The following WDR70 variants were observed in gnomAD, a reference collection of about 807,000 sequenced individuals.
WDR70 encodes WD repeat-containing protein 70.
In WDR70, 53 loss-of-function variants were observed where a neutral mutation model predicts 88.6. That is an observed-to-expected ratio of 0.60 (90% CI 0.48 to 0.75). The LOEUF is 0.75. Among genes scored for constraint, WDR70 ranks in the 30% least tolerant of loss-of-function variants. The pLI, the probability that WDR70 is intolerant of heterozygous loss-of-function variation, is 0.00. For missense variants in WDR70, 610 were observed against 823.2 expected, an observed-to-expected ratio of 0.74 and a Z score of 3.17; for synonymous variants, 280 against 270.0, an observed-to-expected ratio of 1.04 and a Z score of -0.36.
chr5:37,502,715 C>T (rs973418338), intron 8 of WDR70, among the ~76,000 whole-genome samples: 1 of 152,180 alleles, frequency 6.6e-6, no homozygotes, highest in African/African-American at 2.4e-5. Flanking sequence ...AAGCATGGCA[C>T]CAGCATCTGC....
chr5:37,621,824 A>G (rs1744512466), intron 10 of WDR70, among the ~76,000 whole-genome samples: 1 of 152,264 alleles, frequency 6.6e-6, no homozygotes, highest in African/African-American at 2.4e-5. Context: ...CCTGAATGGT[A>G]TTGCCTAGGT....
intron 5 of WDR70, among the ~76,000 whole-genome samples, chr5:37,399,897 C>T (rs996017957): frequency 3.9e-5 from 6 of 151,952 alleles, no homozygotes; most frequent in Non-Finnish European, 8.8e-5. Context: ...AGATTAACTT[C>T]GTGTAGAATA....
intron 10 of WDR70, among the ~76,000 whole-genome samples, chr5:37,685,925 CTG>C: frequency 6.6e-6 from 1 of 152,338 alleles, no homozygotes; most frequent in Admixed American, 6.5e-5. Flanking sequence ...AGCCCAGCTT[CTG>C]TGTCTTCTGT....
At chr5:37,538,084 C>T (rs902643609) in intron 9 of WDR70, among the ~76,000 whole-genome samples, 1 of 152,158 alleles carries the variant, frequency 6.6e-6, no homozygotes, top group African/African-American at 2.4e-5. Context: ...AGAGAAACAT[C>T]AACTGCACGT....
At chr5:37,703,864 A>G (rs745317548) in intron 13 of WDR70, among the ~76,000 whole-genome samples, 13 of 152,220 alleles carry the variant, frequency 8.5e-5, no homozygotes, top group East Asian at 3.9e-4. Flanking sequence ...TCTTTGGCTC[A>G]TTGTCAAATC....
At chr5:37,712,269 G>A (rs1385404886) in intron 13 of WDR70, among the ~76,000 whole-genome samples, 1 of 152,108 alleles carries the variant, frequency 6.6e-6, no homozygotes, top group Non-Finnish European at 1.5e-5. Flanking sequence ...GGGATTACAG[G>A]CGAGAGCCAC....
At chr5:37,642,957 A>G (rs1329008626) in intron 10 of WDR70, among the ~76,000 whole-genome samples, 1 of 151,912 alleles carries the variant, frequency 6.6e-6, no homozygotes, top group African/African-American at 2.4e-5. Flanking sequence ...CACTTTGTTG[A>G]TTGTTTTCTT....
At chr5:37,454,810 G>A (rs538334605) in intron 7 of WDR70, among the ~76,000 whole-genome samples, 1 of 152,248 alleles carries the variant, frequency 6.6e-6, no homozygotes, top group East Asian at 1.9e-4. Context: ...TAGACTTAAT[G>A]TGCATAATGG....
intron 8 of WDR70, among the ~76,000 whole-genome samples, chr5:37,497,177 C>T (rs540582659): frequency 1.4e-3 from 199 of 147,358 alleles, no homozygotes; most frequent in South Asian, 3.3e-3. Flanking sequence ...CTCCTTCCCT[C>T]CCTTCCCCCC....
At chr5:37,487,947 C>T (rs1350905321) in intron 8 of WDR70, among the ~76,000 whole-genome samples, 4 of 152,006 alleles carry the variant, frequency 2.6e-5, no homozygotes, top group Non-Finnish European at 5.9e-5. Context: ...CTTTTGCCTC[C>T]AGGTATAGGA....
At chr5:37,464,044 G>T (rs1739088859) in intron 7 of WDR70, among the ~76,000 whole-genome samples, 1 of 152,136 alleles carries the variant, frequency 6.6e-6, no homozygotes, top group Non-Finnish European at 1.5e-5. Context: ...AGAACAGTTT[G>T]GTTATTAGTT....
intron 8 of WDR70, among the ~76,000 whole-genome samples, chr5:37,499,590 TCTCTCTCTCTCTCTCTCTCTCTC>T (rs1740338586): frequency 1.5e-5 from 2 of 134,508 alleles, no homozygotes; most frequent in Non-Finnish European, 3.1e-5. Context: ...GGAAATATTC[TCTCTCTCTCTCTCTCTCTCTCTC>T]TCTCTCTCTC....
intron 9 of WDR70, among the ~76,000 whole-genome samples, chr5:37,562,558 C>T (rs901764510): frequency 1.3e-5 from 2 of 151,910 alleles, no homozygotes; most frequent in African/African-American, 4.8e-5. Context: ...ACAAAGGTCT[C>T]TGGTTTTCCT....
At chr5:37,544,838 C>G (rs1359812081) in intron 9 of WDR70, among the ~76,000 whole-genome samples, 1 of 152,106 alleles carries the variant, frequency 6.6e-6, no homozygotes, top group Non-Finnish European at 1.5e-5. Context: ...CATGTTGGAT[C>G]TCATAAGCTT....
intron 10 of WDR70, among the ~76,000 whole-genome samples, chr5:37,618,240 A>G (rs1333537432): frequency 6.6e-6 from 1 of 152,238 alleles, no homozygotes; most frequent in Non-Finnish European, 1.5e-5. Context: ...ATATAATCTT[A>G]TATTTTCATT....
intron 10 of WDR70, among the ~76,000 whole-genome samples, chr5:37,659,649 G>A (rs1745650600): frequency 6.6e-6 from 1 of 152,198 alleles, no homozygotes. Context: ...AGACTGGGAA[G>A]TTCAAGATCC....
At chr5:37,528,006 T>C (rs1741353057) in intron 9 of WDR70, among the ~76,000 whole-genome samples, 1 of 152,140 alleles carries the variant, frequency 6.6e-6, no homozygotes, top group Non-Finnish European at 1.5e-5. Flanking sequence ...TGTGGAGAAA[T>C]AGGAACACTT....
Position 37,479,753 on chromosome 5 carries a change from T to A in WDR70, c.687-81T>A, listed in dbSNP as rs544657915. 2,597 of 1,446,382 alleles carry A rather than the reference T, an allele frequency of 1.8e-3. 7 individuals carry two copies. Among genetic ancestry groups the A allele is most frequent in the Non-Finnish European group, 2.1e-3 (2,202 of 1,069,566 alleles). The allele number at this position is 1,446,382 out of a possible 1,614,324, so 89.6% of individuals were successfully genotyped here. A position where few individuals can be genotyped will look rare whatever the true frequency, so the allele number is the denominator to read the frequency against. On this transcript the variant is annotated intron_variant, in intron 7 of 17. Coordinates refer to ENST00000265107, the MANE Select transcript of WDR70 (RefSeq NM_018034.4). ...AATTTGTCCATTTGTGTAACATTTT[T>A]TTTTCTGGCAATACTTAATGTAGTA...
intron 10 of WDR70, among the ~76,000 whole-genome samples, chr5:37,639,147 C>T (rs1745043840): frequency 6.6e-6 from 1 of 152,076 alleles, no homozygotes; most frequent in Admixed American, 6.5e-5. Flanking sequence ...GAAATTCTTT[C>T]CCTAGTTGCT....
Sources: gnomAD v4.1 joint callset for allele counts (sites outside exome capture counted in the v4.1 genomes callset) on GRCh38, gnomAD v4.1.1 for gene constraint, MANE v1.5 for transcripts, NCBI Gene and HGNC (gene_info 2026-07-23, HGNC 2026-07-21) for gene names.